Variants in SNTG1 observed in about 807,000 individuals in gnomAD.
SNTG1 encodes the protein syntrophin gamma 1.
A neutral mutation model predicts 74.7 loss-of-function variants in SNTG1; 39 were observed. The ratio of observed to expected loss-of-function variants is 0.52; its 90% CI spans 0.40 to 0.68. The LOEUF (loss-of-function observed/expected upper bound fraction) is 0.68, where lower values mean the gene tolerates loss of function less well. Ranked by LOEUF, SNTG1 falls within the 30% of genes least tolerant of loss-of-function variation. SNTG1 has a pLI of 0.00. For missense variants in SNTG1, 685 were observed against 609.5 expected (o/e 1.12, Z -1.30); for synonymous variants, 254 against 217.1 (o/e 1.17, Z -1.49).
At chr8:50,272,905 TAAAAA>T (rs3086115) in intron 2 of SNTG1, among the ~76,000 whole-genome samples, 1 of 140,254 alleles carries the variant, frequency 7.1e-6, no homozygotes, top group East Asian at 2.1e-4. Context: ...CCTGGATACT[TAAAAA>T]AAAAAAAAAA....
At chr8:50,658,000 T>A (rs901662036) in intron 14 of SNTG1, among the ~76,000 whole-genome samples, 16 of 152,122 alleles carry the variant, frequency 1.1e-4, no homozygotes, top group Admixed American at 5.2e-4. Flanking sequence ...AATGTCTGTC[T>A]CTACACAAAG....
intron 2 of SNTG1, among the ~76,000 whole-genome samples, chr8:50,259,766 G>A (rs2087088289): frequency 6.6e-6 from 1 of 152,066 alleles, no homozygotes; most frequent in African/African-American, 2.4e-5. Context: ...AGATCCTTCA[G>A]AAAACTGAGA....
At chr8:50,091,301 C>T (rs1018668631) in intron 1 of SNTG1, among the ~76,000 whole-genome samples, 4 of 151,320 alleles carry the variant, frequency 2.6e-5, no homozygotes, top group Non-Finnish European at 4.4e-5. Context: ...AATGTTTGTG[C>T]GTGTGGTAAG....
intron 13 of SNTG1, among the ~76,000 whole-genome samples, chr8:50,597,372 T>C (rs1413553591): frequency 7.8e-4 from 57 of 72,836 alleles, no homozygotes; most frequent in South Asian, 2.0e-3. Flanking sequence ...CATATACATG[T>C]ATATATACAC....
rs543328620 is a variant in SNTG1, at chr8:50,734,832, T to G, written c.1285-17169T>G. On this transcript the variant is annotated intron_variant, in intron 17 of 18. Coordinates refer to ENST00000642720, the MANE Select transcript of SNTG1 (RefSeq NM_018967.5). ...AGATATCTATATATATGGACATATATATATCTATATATATGGACATATATA... is the reference window on the plus strand; with the variant it reads ...AGATATCTATATATATGGACATATAGATATCTATATATATGGACATATATA... Among the ~76,000 whole-genome samples, 15 of 65,690 alleles carry G rather than the reference T, an allele frequency of 2.3e-4. 1 individual carries two copies. The South Asian group carries it at 5.2e-3, about 23-fold the overall frequency. The allele number at this position is 65,690 out of a possible 152,430, so 43.1% of individuals were successfully genotyped here.
At chr8:50,597,339 A>G (rs149442210) in intron 13 of SNTG1, among the ~76,000 whole-genome samples, 205 of 146,154 alleles carry the variant, frequency 1.4e-3, no homozygotes, top group African/African-American at 4.8e-3. Flanking sequence ...ACATATATAT[A>G]CATATATACA....
rs192624146 is a variant in SNTG1 at position 50,036,706 on chromosome 8, G to A, written c.-103+124475G>A. On this transcript the variant is annotated intron_variant, in intron 1 of 18. Coordinates refer to ENST00000642720, the MANE Select transcript of SNTG1 (RefSeq NM_018967.5). Reference sequence around the variant, plus strand: ...AGCTGAAGATTTATTATGTATAAATGTATATTTATTTCTTATGCATAAACA... The same window carrying A: ...AGCTGAAGATTTATTATGTATAAATATATATTTATTTCTTATGCATAAACA... Among the ~76,000 whole-genome samples the A allele has an allele frequency of 4.9e-3, 739 of 152,242 alleles. 8 individuals are homozygous for A. Among genetic ancestry groups the A allele is most frequent in the African/African-American group, 0.016 (682 of 41,530 alleles).
intron 1 of SNTG1, among the ~76,000 whole-genome samples, chr8:50,066,795 C>A (rs184571139): frequency 0.01 from 1,553 of 152,260 alleles, 17 homozygotes; most frequent in Non-Finnish European, 0.014. Context: ...TCCCTCTGCA[C>A]GTTGACTTTG....
intron 2 of SNTG1, among the ~76,000 whole-genome samples, chr8:50,313,118 G>C (rs1281689073): frequency 6.7e-6 from 1 of 149,844 alleles, no homozygotes; most frequent in Non-Finnish European, 1.5e-5. Context: ...CACTGCAAAA[G>C]AATGGCACTG....
chr8:50,531,499 T>G (rs1041052564), intron 10 of SNTG1, among the ~76,000 whole-genome samples: 6 of 152,196 alleles, frequency 3.9e-5, no homozygotes, highest in Non-Finnish European at 7.3e-5. Context: ...ATTGCTTTGC[T>G]CACCTTCTTC....
intron 5 of SNTG1, 35 bp from the exon 6 acceptor site, chr8:50,449,633 A>G (rs775501284): frequency 3.3e-6 from 5 of 1,516,416 alleles, no homozygotes; most frequent in African/African-American, 1.4e-5. Context: ...TTTTTTTTAG[A>G]TTAAAAAGTA....
In SNTG1 at chr8:50,061,291, G is replaced by A. The variant is rs570446986; in HGVS notation, c.-102-111270G>A. ...GAGTTTTTACAGTTTGTAGTTTTCT[G>A]TCGAACTTCTGAACATAAAGTTGTT... On this transcript the variant is annotated intron_variant, in intron 1 of 18. Transcript: ENST00000642720. Among the ~76,000 whole-genome samples the A allele has an allele frequency of 8.6e-5, 13 of 151,930 alleles. No individual in the cohort carries two copies. The South Asian group carries it at 2.5e-3, about 29-fold the overall frequency.
intron 3 of SNTG1, among the ~76,000 whole-genome samples, chr8:50,400,692 T>C (rs958296225): frequency 2.6e-5 from 4 of 152,232 alleles, no homozygotes; most frequent in African/African-American, 9.6e-5. Context: ...TAGTCACCAT[T>C]CTAACTTGGG....
intron 1 of SNTG1, among the ~76,000 whole-genome samples, chr8:49,935,262 T>G (rs1169606230): frequency 6.7e-6 from 1 of 150,354 alleles, no homozygotes; most frequent in East Asian, 2.0e-4. Context: ...AAAGCGCTTC[T>G]GAATGTTCCG....
intron 1 of SNTG1, among the ~76,000 whole-genome samples, chr8:50,137,847 G>A (rs909157683): frequency 3.9e-5 from 6 of 152,122 alleles, no homozygotes; most frequent in African/African-American, 1.4e-4. Flanking sequence ...AGATGCAGCA[G>A]CTGGGGCCAC....
chr8:50,076,293 CA>C (rs1452329929), intron 1 of SNTG1, among the ~76,000 whole-genome samples: 1 of 150,964 alleles, frequency 6.6e-6, no homozygotes, highest in African/African-American at 2.4e-5. Context: ...CTGAAAGAAA[CA>C]AAAACAAAAA....
intron 1 of SNTG1, among the ~76,000 whole-genome samples, chr8:50,005,525 GTTAAATAGAAT>G (rs1320416597): frequency 1.3e-5 from 2 of 151,406 alleles, no homozygotes; most frequent in Non-Finnish European, 2.9e-5. Context: ...GTATATATTT[GTTAAATAGAAT>G]TTAAATAGAA....
At chr8:50,189,275 G>A (rs2131769303) in intron 2 of SNTG1, among the ~76,000 whole-genome samples, 1 of 152,088 alleles carries the variant, frequency 6.6e-6, no homozygotes, top group East Asian at 1.9e-4. Context: ...CTATGTCATT[G>A]TTTATTTTTT....
chr8:49,941,489 A>G lies in SNTG1; in HGVS notation c.-103+29258A>G, dbSNP rs148883258. ...TATATATTTACATTAATTTATATAC[A>G]TTATATATTTATATTTATATATTAT... On this transcript the variant is annotated intron_variant, in intron 1 of 18. Transcript: ENST00000642720. Among the ~76,000 whole-genome samples, 113 of 148,116 alleles carry G rather than the reference A, an allele frequency of 7.6e-4. No homozygotes were observed. In the East Asian group the frequency reaches 0.018, roughly 23 times the overall value.
Sources: gnomAD v4.1 joint callset for allele counts (sites outside exome capture counted in the v4.1 genomes callset) on GRCh38, gnomAD v4.1.1 for gene constraint, MANE v1.5 for transcripts, NCBI Gene and HGNC (gene_info 2026-07-23, HGNC 2026-07-21) for gene names.